The following LMBRD1 variants were observed in gnomAD, a reference collection of about 807,000 sequenced individuals.
The protein encoded by LMBRD1 is lysosomal cobalamin transport escort protein LMBD1.
In LMBRD1, 64 loss-of-function variants were observed where a neutral mutation model predicts 74.8. The observed-to-expected ratio is 0.86, with a 90% confidence interval of 0.70 to 1.05. The LOEUF (loss-of-function observed/expected upper bound fraction) is 1.05. LMBRD1 is among the 50% of genes least tolerant of loss of function. The pLI, the probability that LMBRD1 is intolerant of heterozygous loss-of-function variation, is 0.00. For synonymous variants in LMBRD1, 204 were observed against 216.3 expected, an observed-to-expected ratio of 0.94 and a Z score of 0.50; for missense variants, 652 against 645.9, an observed-to-expected ratio of 1.01 and a Z score of -0.10.
intron 3 of LMBRD1, among the ~76,000 whole-genome samples, chr6:69,755,288 G>A (rs181113785): frequency 6.6e-6 from 1 of 152,312 alleles, no homozygotes; most frequent in Non-Finnish European, 1.5e-5. Context: ...CAGGGACGTG[G>A]ATGAAGCTGG....
intron 3 of LMBRD1, among the ~76,000 whole-genome samples, chr6:69,753,028 T>C (rs1403383406): frequency 6.6e-6 from 1 of 152,238 alleles, no homozygotes; most frequent in Non-Finnish European, 1.5e-5. Flanking sequence ...TTCATGACCC[T>C]GTTTTCAATT....
intron 8 of LMBRD1, among the ~76,000 whole-genome samples, chr6:69,716,547 A>G (rs1209526713): frequency 1.3e-5 from 2 of 152,080 alleles, no homozygotes; most frequent in East Asian, 1.9e-4. Flanking sequence ...ATTAAATGAG[A>G]AAAAAAGGCC....
intron 7 of LMBRD1, among the ~76,000 whole-genome samples, chr6:69,728,630 T>A (rs150967224): frequency 6.6e-6 from 1 of 152,184 alleles, no homozygotes; most frequent in African/African-American, 2.4e-5. Flanking sequence ...ATGGCCCTTA[T>A]TTACAGTCTA....
intron 8 of LMBRD1, 145 bp from the exon 9 acceptor site, chr6:69,713,942 A>C (rs1766438513): frequency 2.6e-6 from 2 of 769,662 alleles, no homozygotes; most frequent in Non-Finnish European, 4.3e-6. Flanking sequence ...TGACAACTGC[A>C]ATATGACAAT....
chr6:69,679,448 A>AT (rs942423585), intron 14 of LMBRD1, among the ~76,000 whole-genome samples: 23 of 151,878 alleles, frequency 1.5e-4, no homozygotes, highest in South Asian at 4.1e-4. Flanking sequence ...TCAATTTGTC[A>AT]TTTTTTTTCC....
intron 2 of LMBRD1, among the ~76,000 whole-genome samples, 185 bp downstream of exon 2, chr6:69,790,111 G>C (rs751341449): frequency 2.0e-5 from 3 of 152,208 alleles, no homozygotes; most frequent in Non-Finnish European, 2.9e-5. Context: ...TGAATTAATA[G>C]TTCTTATGTC....
intron 1 of LMBRD1, among the ~76,000 whole-genome samples, chr6:69,793,718 C>CTTTTTT (rs34341228): frequency 1.4e-4 from 13 of 96,044 alleles, no homozygotes; most frequent in South Asian, 4.1e-4. Flanking sequence ...TGTCCTGAAT[C>CTTTTTT]TTTTTTTTTT....
intron 2 of LMBRD1, among the ~76,000 whole-genome samples, chr6:69,788,532 T>A (rs962567053): frequency 6.6e-6 from 1 of 152,174 alleles, no homozygotes; most frequent in Admixed American, 6.6e-5. Flanking sequence ...TTTTATAGAA[T>A]TTAATTCTAA....
At chr6:69,730,109 A>C (rs1159864158) in intron 7 of LMBRD1, among the ~76,000 whole-genome samples, 2 of 152,088 alleles carry the variant, frequency 1.3e-5, no homozygotes, top group African/African-American at 2.4e-5. Context: ...GGTTGGCCCT[A>C]ATTGTCTCCA....
Position 69,757,877 on chromosome 6 carries a change from G to C in LMBRD1, c.308-5521C>G, listed in dbSNP as rs916489456. Among the ~76,000 whole-genome samples, 3 of 152,208 alleles carry C rather than the reference G, an allele frequency of 2.0e-5. No individual in the cohort carries two copies. In the East Asian group the frequency reaches 5.8e-4, roughly 29 times the overall value. On this transcript the variant is annotated intron_variant, in intron 3 of 15. Transcript: ENST00000649934. ...AAAAGATAAACAGATTTTTGGTTTA[G>C]CAGACCCACTAACATCAAAGAACAC...
chr6:69,753,612 C>T (rs1394995247), intron 3 of LMBRD1, among the ~76,000 whole-genome samples: 5 of 152,192 alleles, frequency 3.3e-5, no homozygotes, highest in Admixed American at 3.3e-4. Flanking sequence ...TGAAAACAGA[C>T]TCTCGAAGAG....
intron 14 of LMBRD1, among the ~76,000 whole-genome samples, chr6:69,679,966 A>T (rs2149834057): frequency 6.6e-6 from 1 of 152,300 alleles, no homozygotes; most frequent in South Asian, 2.1e-4. Flanking sequence ...GATTTCAGAC[A>T]CGCATGTCCA....
chr6:69,772,955 CAT>C (rs949098848), intron 3 of LMBRD1, among the ~76,000 whole-genome samples: 7 of 152,176 alleles, frequency 4.6e-5, no homozygotes, highest in South Asian at 2.1e-4. Flanking sequence ...GCACTAATCA[CAT>C]GTCTCACACT....
chr6:69,793,718 C>CTTTTT (rs34341228), intron 1 of LMBRD1, among the ~76,000 whole-genome samples: 40 of 96,038 alleles, frequency 4.2e-4, no homozygotes, highest in African/African-American at 1.1e-3. Context: ...TGTCCTGAAT[C>CTTTTT]TTTTTTTTTT....
At position 69,701,400 on chromosome 6, in the gene LMBRD1, T is replaced by C. The variant is rs755788958; in HGVS notation, c.1083+43A>G. On this transcript the variant is annotated intron_variant, in intron 11 of 15. Coordinates refer to ENST00000649934, the MANE Select transcript of LMBRD1 (RefSeq NM_018368.4). ...ATGTTTGCTAGACTCTAGCATTTTATACTCTAGCAGCTACAGTATAAAATG... is the reference window on the plus strand; with the variant it reads ...ATGTTTGCTAGACTCTAGCATTTTACACTCTAGCAGCTACAGTATAAAATG... 7 of 1,112,970 alleles carry C rather than the reference T, an allele frequency of 6.3e-6. No homozygotes were observed. The East Asian group carries it at 1.7e-4, about 27-fold the overall frequency. The allele number at this position is 1,112,970 out of a possible 1,614,324, so 68.9% of individuals were successfully genotyped here. A position where few individuals can be genotyped will look rare whatever the true frequency, so the allele number is the denominator to read the frequency against.
intron 6 of LMBRD1, among the ~76,000 whole-genome samples, chr6:69,739,749 C>A (rs927280010): frequency 1.2e-4 from 13 of 106,314 alleles, no homozygotes; most frequent in Admixed American, 1.2e-3. Flanking sequence ...CAATCAGTTA[C>A]AATGACTATA....
At chr6:69,771,365 C>T (rs1213774866) in intron 3 of LMBRD1, among the ~76,000 whole-genome samples, 1 of 152,190 alleles carries the variant, frequency 6.6e-6, no homozygotes, top group African/African-American at 2.4e-5. Context: ...AGTACACAAA[C>T]TGGCAGCTTG....
At position 69,719,361 on chromosome 6, in the gene LMBRD1, C is replaced by T. The variant is rs147561241; in HGVS notation, c.637-280G>A. Reference sequence around the variant, plus strand: ...ATACTTTATATCAAAGTAATAATTACAAATTCAGACTAATCGAAGGTTAAG... The same window carrying T: ...ATACTTTATATCAAAGTAATAATTATAAATTCAGACTAATCGAAGGTTAAG... On this transcript the variant is annotated intron_variant, in intron 7 of 15. Coordinates refer to ENST00000649934, the MANE Select transcript of LMBRD1 (RefSeq NM_018368.4). Among the ~76,000 whole-genome samples the T allele has an allele frequency of 0.015, 2,297 of 151,942 alleles. 64 individuals are homozygous for T. The highest frequency in any genetic ancestry group is 0.052 in the African/African-American group (2,168 of 41,446).
chr6:69,683,467 T>C (rs1765702942), intron 14 of LMBRD1, among the ~76,000 whole-genome samples: 1 of 152,048 alleles, frequency 6.6e-6, no homozygotes, highest in Admixed American at 6.5e-5. Flanking sequence ...CTCTGTTCAG[T>C]CATATGAAGC....
Sources: gnomAD v4.1 joint callset for allele counts (sites outside exome capture counted in the v4.1 genomes callset) on GRCh38, gnomAD v4.1.1 for gene constraint, MANE v1.5 for transcripts, NCBI Gene and HGNC (gene_info 2026-07-23, HGNC 2026-07-21) for gene names.